The following EPB41L1 variants were observed in gnomAD, a reference collection of about 807,000 sequenced individuals.
EPB41L1 encodes the protein band 4.1-like protein 1.
Under a neutral mutation model 97.8 loss-of-function variants are expected in EPB41L1, and 29 were observed. That is an observed-to-expected ratio of 0.30 (90% confidence interval 0.22 to 0.40). The LOEUF (loss-of-function observed/expected upper bound fraction) is 0.40. Ranked by LOEUF, EPB41L1 falls within the 10% of genes least tolerant of loss-of-function variation. The pLI is 1.00. For missense variants in EPB41L1, 812 were observed against 1,162.3 expected (o/e 0.70, Z 4.38); for synonymous variants, 383 against 459.2 (o/e 0.83, Z 2.12).
At chr20:36,153,697 C>A (rs908118222), upstream of EPB41L1, among the ~76,000 whole-genome samples, 1 of 152,098 alleles carries the variant, frequency 6.6e-6, no homozygotes, top group Admixed American at 6.5e-5. Flanking sequence ...CAAATGAGGC[C>A]CAGAGCATGG....
Position 36,221,717 on chromosome 20 carries a change from A to T in EPB41L1, c.2440-147A>T. 5.4e-6 allele frequency: 4 copies of T among 744,302 alleles called. No individual in the cohort carries two copies. In the South Asian group the frequency reaches 6.0e-5, roughly 11 times the overall value. 46.1% of individuals were successfully genotyped at this position (744,302 alleles called of 1,614,324 possible). ...GATCTGCAGTTCAAAGTCCAAAATC[A>T]GAAAAGAAAAAATCTGAGGAAGTCA... On this transcript the variant is annotated intron_variant, in intron 19 of 21. Coordinates refer to ENST00000338074, the MANE Select transcript of EPB41L1 (RefSeq NM_012156.2).
intron 14 of EPB41L1, among the ~76,000 whole-genome samples, chr20:36,204,471 C>CTTTTTTTTTTTTTTTTTTTTTTTTT (rs765673962): frequency 1.1e-5 from 1 of 90,602 alleles, no homozygotes; most frequent in African/African-American, 5.8e-5. Flanking sequence ...CGATCTGGTG[C>CTTTTTTTTTTTTTTTTTTTTTTTTT]TTTTTTTTTT....
At position 36,209,625 on chromosome 20, in the gene EPB41L1, G is replaced by A; in HGVS notation, c.1806G>A (p.Glu602=). 6.2e-7 allele frequency: 1 copy of A among 1,614,210 alleles called. No individual in the cohort carries two copies. Among genetic ancestry groups the A allele is most frequent in the South Asian group, 1.1e-5 (1 of 91,086 alleles). Residue 602 remains glutamate (E), a synonymous_variant, in exon 15 of 22, where the codon GAG becomes GAA. Transcript: ENST00000338074. This position sits in a 1 kb window ranked among gnomAD's most constrained non-coding sequence, Gnocchi z 4.2. The part of the protein sequence containing the change: ...VFLKDNHLAI[E]RKCSSITVSS... ...TGAAGGACAACCACCTGGCCATTGA[G>A]CGCAAGTGCTCCAGCATCACGGTCA... is the stretch of plus-strand genomic sequence containing the variant.
At position 36,207,640 on chromosome 20, in the gene EPB41L1, C is replaced by T. The variant is rs1038451880; in HGVS notation, c.1669-1848C>T. ...GGACTTTGCCAGCCCCAAAGCCACA[C>T]ATTCCACAGTGATACCTCTGGCTAC... On this transcript the variant is annotated intron_variant, in intron 14 of 21. Coordinates refer to ENST00000338074, the MANE Select transcript of EPB41L1 (RefSeq NM_012156.2). The surrounding 1 kb of genome is among the most constrained non-coding windows in gnomAD (Gnocchi z 4.9). 13 of 1,290,090 alleles carry T rather than the reference C, an allele frequency of 1.0e-5. No homozygotes were observed. The highest frequency in any genetic ancestry group is 1.2e-5 in the South Asian group (1 of 81,036). 79.9% of individuals were successfully genotyped at this position (1,290,090 alleles called of 1,614,324 possible). A position where few individuals can be genotyped will look rare whatever the true frequency, so the allele number is the denominator to read the frequency against.
intron 17 of EPB41L1, among the ~76,000 whole-genome samples, chr20:36,215,383 C>T (rs112107864): frequency 0.16 from 24,334 of 152,050 alleles, 2,177 homozygotes; most frequent in Middle Eastern, 0.24. Flanking sequence ...GCTGGGGCTG[C>T]GGTTGCAGCC....
chr20:36,147,409 C>A (rs1569131151), intron 2 of EPB41L1, among the ~76,000 whole-genome samples: 1 of 152,170 alleles, frequency 6.6e-6, no homozygotes, highest in Non-Finnish European at 1.5e-5. Context: ...CAGAATAAAC[C>A]TGTGTGAAGC....
chr20:36,109,169 A>G (rs1370299099), intron 1 of EPB41L1, among the ~76,000 whole-genome samples: 1 of 151,814 alleles, frequency 6.6e-6, no homozygotes, highest in African/African-American at 2.4e-5. Context: ...GGATGGTCTC[A>G]ATCTCCTGAC....
At position 36,209,796 on chromosome 20, in the gene EPB41L1, G is replaced by T. The variant is rs1304575612; in HGVS notation, c.1977G>T (p.Arg659=). 2 of 1,613,848 alleles carry T rather than the reference G, an allele frequency of 1.2e-6. No individual in the cohort carries two copies. The highest frequency in any genetic ancestry group is 1.6e-4 in the Middle Eastern group (1 of 6,082). ...ACACTGAGGGCCTGCTGTTCTCCCG[G>T]GATCTCAACAAGGGGGCCCCCAGCC... is the stretch of plus-strand genomic sequence containing the variant. ...DSDTEGLLFS[R]DLNKGAPSQD... Residue 659 remains arginine, a synonymous_variant, in exon 15 of 22, where the codon CGG becomes CGT. Transcript: ENST00000338074. The surrounding 1 kb of genome is among the most constrained non-coding windows in gnomAD (Gnocchi z 4.2).
intron 9 of EPB41L1, among the ~76,000 whole-genome samples, chr20:36,189,883 G>T (rs1164123944): frequency 3.3e-5 from 5 of 152,184 alleles, no homozygotes; most frequent in Non-Finnish European, 7.3e-5. Context: ...ACAGGCCAAA[G>T]TCGCAGATGC....
chr20:36,208,381 G>A (rs1348034680), intron 14 of EPB41L1: 2 of 450,966 alleles, frequency 4.4e-6, no homozygotes, highest in East Asian at 1.4e-4. Context: ...GGGGGCGCCT[G>A]AGATTTGCCA....
chr20:36,219,973 G>C, intron 19 of EPB41L1, 129 bp downstream of exon 19: 1 of 857,556 alleles, frequency 1.2e-6, no homozygotes, highest in African/African-American at 1.7e-5. Context: ...CCAGCTTCTG[G>C]AATACTGTGC....
chr20:36,195,212 A>T lies in EPB41L1; in HGVS notation c.1450-117A>T. 7.8e-7 allele frequency: 1 copy of T among 1,277,148 alleles called. No homozygotes were observed. The highest frequency in any genetic ancestry group is 1.2e-5 in the South Asian group (1 of 81,432). 79.1% of individuals were successfully genotyped at this position (1,277,148 alleles called of 1,614,324 possible). On this transcript the variant is annotated intron_variant, in intron 12 of 21. Coordinates refer to ENST00000338074, the MANE Select transcript of EPB41L1 (RefSeq NM_012156.2). The surrounding 1 kb of genome is among the most constrained non-coding windows in gnomAD (Gnocchi z 4.6). ...GGCCCACCCAGCTGCCCTGGCCTCCACTTGGTCGAGTGTGCGTGCTCTGGG... is the reference window on the plus strand; with the variant it reads ...GGCCCACCCAGCTGCCCTGGCCTCCTCTTGGTCGAGTGTGCGTGCTCTGGG...
At chr20:36,182,030 G>A (rs2061490934) in intron 5 of EPB41L1, among the ~76,000 whole-genome samples, 1 of 152,210 alleles carries the variant, frequency 6.6e-6, no homozygotes, top group Admixed American at 6.5e-5. Flanking sequence ...TGCCTGGCAT[G>A]CAGCGTCAGT....
At chr20:36,229,255 A>T in intron 21 of EPB41L1, 77 bp from the exon 22 acceptor site, 1 of 1,202,452 alleles carries the variant, frequency 8.3e-7, no homozygotes. Context: ...GACAGAAGTT[A>T]CTAATTTTTC....
chr20:36,172,874 A>G (rs2061054676), intron 1 of EPB41L1, among the ~76,000 whole-genome samples: 1 of 152,228 alleles, frequency 6.6e-6, no homozygotes, highest in Non-Finnish European at 1.5e-5. Flanking sequence ...TGCTGAGATT[A>G]CAAGCATGAG....
chr20:36,155,029 G>A, intron 1 of EPB41L1, 133 bp downstream of exon 1: 2 of 835,402 alleles, frequency 2.4e-6, no homozygotes, highest in Non-Finnish European at 3.4e-6. Flanking sequence ...CCTGGCCAGT[G>A]TGGGGGAGGG....
At position 36,206,799 on chromosome 20, in the gene EPB41L1, C is replaced by G. The variant is rs1162359913; in HGVS notation, c.1669-2689C>G. ...TTCCCCACCTGACAGCCAGCGCAGC[C>G]CGAGAGGAAGGGACCCCCGTGAGTG... On this transcript the variant is annotated intron_variant, in intron 14 of 21. Coordinates refer to ENST00000338074, the MANE Select transcript of EPB41L1 (RefSeq NM_012156.2). This position sits in a 1 kb window ranked among gnomAD's most constrained non-coding sequence, Gnocchi z 5.5. 2.3e-6 allele frequency: 3 copies of G among 1,289,834 alleles called. No homozygotes were observed. The Admixed American group carries it at 6.9e-5, about 30-fold the overall frequency. The allele number at this position is 1,289,834 out of a possible 1,614,324, so 79.9% of individuals were successfully genotyped here. A position where few individuals can be genotyped will look rare whatever the true frequency, so the allele number is the denominator to read the frequency against.
intron 5 of EPB41L1, among the ~76,000 whole-genome samples, chr20:36,180,150 G>A (rs768308182): frequency 1.3e-5 from 2 of 152,176 alleles, no homozygotes; most frequent in Non-Finnish European, 2.9e-5. Flanking sequence ...AGTCTTGATC[G>A]CTAGCAAGTA....
At chr20:36,147,011 G>C (rs1306022014) in intron 2 of EPB41L1, among the ~76,000 whole-genome samples, 1 of 152,022 alleles carries the variant, frequency 6.6e-6, no homozygotes, top group African/African-American at 2.4e-5. Context: ...GCAGTGCATG[G>C]TGGTGTACAC....
Sources: gnomAD v4.1 joint callset for allele counts (sites outside exome capture counted in the v4.1 genomes callset) on GRCh38, gnomAD v4.1.1 for gene constraint, Gnocchi (gnomAD v3.1) non-coding constraint, MANE v1.5 for transcripts, NCBI Gene and HGNC (gene_info 2026-07-23, HGNC 2026-07-21) for gene names.